MS4A4A: variants seen among roughly 807,000 people sequenced by gnomAD.
The protein encoded by MS4A4A is membrane spanning 4-domains A4A.
A neutral mutation model predicts 28.0 loss-of-function variants in MS4A4A; 26 were observed. The observed-to-expected ratio is 0.93, with a 90% CI of 0.68 to 1.29. The LOEUF is 1.29. Ranked by LOEUF, MS4A4A falls within the 50% of genes most tolerant of loss-of-function variation. The probability of loss-of-function intolerance (pLI) is 0.00; values close to 1 mark genes in which losing one functional copy is unlikely to be tolerated. For missense variants in MS4A4A, 290 were observed against 293.1 expected (o/e 0.99, Z 0.08); for synonymous variants, 86 against 100.8 (o/e 0.85, Z 0.88).
intron 1 of MS4A4A, among the ~76,000 whole-genome samples, chr11:60,281,992 C>A (rs1353205741): frequency 6.6e-6 from 1 of 152,022 alleles, no homozygotes; most frequent in Non-Finnish European, 1.5e-5. Flanking sequence ...TTCTTGGGGA[C>A]TTCATGTGCC....
At chr11:60,283,013 A>G (rs2084769279) in intron 1 of MS4A4A, among the ~76,000 whole-genome samples, 1 of 152,218 alleles carries the variant, frequency 6.6e-6, no homozygotes, top group Non-Finnish European at 1.5e-5. Context: ...GGAGAAATAC[A>G]CAGAGTTGAA....
intron 2 of MS4A4A, among the ~76,000 whole-genome samples, chr11:60,292,820 C>G (rs1339683484): frequency 6.6e-6 from 1 of 152,072 alleles, no homozygotes; most frequent in Non-Finnish European, 1.5e-5. Context: ...CATCTGGAGT[C>G]TCAGATGAGC....
At chr11:60,282,736 C>T (rs1445857662) in intron 1 of MS4A4A, 61 of 1,269,466 alleles carry the variant, frequency 4.8e-5, no homozygotes, top group Non-Finnish European at 5.9e-5. Context: ...GAGAGAGATT[C>T]GAGGTAAGAC....
In MS4A4A at chr11:60,292,319, A is replaced by G. The variant is rs2084864526; in HGVS notation, c.136A>G (p.Ile46Val). ...GCCCCAGCTGGGAAACATGGCTGTC[A>G]TACATTCACATCTGTGGAAAGGATT... Reference protein sequence around the residue: ...GVPQLGNMAVIHSHLWKGLQE... With the variant: ...GVPQLGNMAVVHSHLWKGLQE... Residue 46 changes from isoleucine (I) to valine (V), a missense_variant, in exon 2 of 7, where the codon ATA becomes GTA. Transcript: ENST00000337908. The G allele has an allele frequency of 6.2e-7, 1 of 1,610,784 alleles. No homozygotes were observed. Among genetic ancestry groups the G allele is most frequent in the Admixed American group, 1.7e-5 (1 of 59,676 alleles).
Position 60,292,497 on chromosome 11 carries a change from A to G in MS4A4A, c.201+113A>G, listed in dbSNP as rs2084866479. The G allele has an allele frequency of 1.6e-5, 17 of 1,089,326 alleles. No individual in the cohort carries two copies. The South Asian group carries it at 3.6e-4, about 23-fold the overall frequency. 67.5% of individuals were successfully genotyped at this position (1,089,326 alleles called of 1,614,324 possible). ...CATAATACAACAGCCAACCCTCACG[A>G]CGTCAGTAATTACTTTTCAGGCTCT... On this transcript the variant is annotated intron_variant, in intron 2 of 6. Transcript: ENST00000337908.
intron 5 of MS4A4A, chr11:60,305,615 A>G (rs2084992998): frequency 6.5e-6 from 1 of 153,710 alleles, no homozygotes; most frequent in Admixed American, 6.5e-5. Context: ...ATATCAGCTA[A>G]TAAGCAATCT....
At chr11:60,306,537 C>T (rs1411854704) in intron 6 of MS4A4A, among the ~76,000 whole-genome samples, 1 of 152,200 alleles carries the variant, frequency 6.6e-6, no homozygotes, top group Non-Finnish European at 1.5e-5. Flanking sequence ...ACAAAGGGTT[C>T]ACATGAACGG....
chr11:60,290,830 T>C (rs2084849012), intron 1 of MS4A4A, among the ~76,000 whole-genome samples: 1 of 152,134 alleles, frequency 6.6e-6, no homozygotes, highest in South Asian at 2.1e-4. Context: ...CATTGATGTA[T>C]CAAAAATAAA....
Position 60,292,409 on chromosome 11 carries a change from C to A in MS4A4A, c.201+25C>A, listed in dbSNP as rs761604590. 3 of 1,561,852 alleles carry A rather than the reference C, an allele frequency of 1.9e-6. No homozygotes were observed. The African/African-American group carries it at 4.1e-5, about 22-fold the overall frequency. ...GGTAAGTTGCAAATCTAGGGGAAGA[C>A]CAATGGTGTTGCAAACTCATATTTC... On this transcript the variant is annotated intron_variant, in intron 2 of 6. Transcript: ENST00000337908.
At chr11:60,294,355 G>A (rs969801110) in intron 2 of MS4A4A, among the ~76,000 whole-genome samples, 3 of 152,062 alleles carry the variant, frequency 2.0e-5, no homozygotes, top group Admixed American at 6.6e-5. Context: ...TTTGGGTAAC[G>A]ATCCTTTGTC....
At chr11:60,291,813 AAAAC>A (rs1414309072) in intron 1 of MS4A4A, among the ~76,000 whole-genome samples, 1 of 151,918 alleles carries the variant, frequency 6.6e-6, no homozygotes, top group Non-Finnish European at 1.5e-5. Flanking sequence ...AAAAAACAAA[AAAAC>A]AAAACTAAAA....
chr11:60,307,985 T>A, intron 6 of MS4A4A, 122 bp from the exon 7 acceptor site: 1 of 873,952 alleles, frequency 1.1e-6, no homozygotes, highest in Non-Finnish European at 1.9e-6. Flanking sequence ...ACATACTTGA[T>A]CTTGAGAATG....
At chr11:60,285,277 G>A (rs2084794217) in intron 1 of MS4A4A, among the ~76,000 whole-genome samples, 1 of 152,174 alleles carries the variant, frequency 6.6e-6, no homozygotes, top group Non-Finnish European at 1.5e-5. Context: ...GCTGAGACGG[G>A]AAGATCACTT....
chr11:60,289,574 A>AGT (rs747454290), intron 1 of MS4A4A, among the ~76,000 whole-genome samples: 3,637 of 131,106 alleles, frequency 0.028, 132 homozygotes, highest in African/African-American at 0.091. Flanking sequence ...TGTTTTGGGG[A>AGT]GTGTGTGTGT....
chr11:60,281,849 A>G (rs921415193), intron 1 of MS4A4A, among the ~76,000 whole-genome samples: 3 of 152,142 alleles, frequency 2.0e-5, no homozygotes, highest in African/African-American at 7.2e-5. Flanking sequence ...CATATAGGTG[A>G]TGTGGCAAAA....
At position 60,292,324 on chromosome 11, in the gene MS4A4A, T is replaced by C. The variant is rs774738121; in HGVS notation, c.141T>C (p.His47=). ...VPQLGNMAVI[H]SHLWKGLQEK... ...AGCTGGGAAACATGGCTGTCATACATTCACATCTGTGGAAAGGATTGCAAG... is the reference window on the plus strand; with the variant it reads ...AGCTGGGAAACATGGCTGTCATACACTCACATCTGTGGAAAGGATTGCAAG... Residue 47 remains histidine, a synonymous_variant, in exon 2 of 7, where the codon CAT becomes CAC. Transcript: ENST00000337908. 6.2e-7 allele frequency: 1 copy of C among 1,610,904 alleles called. No individual in the cohort carries two copies. Among genetic ancestry groups the C allele is most frequent in the Non-Finnish European group, 8.5e-7 (1 of 1,178,646 alleles).
At chr11:60,300,899 G>A in intron 3 of MS4A4A, 102 bp from the exon 4 acceptor site, 2 of 792,502 alleles carry the variant, frequency 2.5e-6, no homozygotes, top group Non-Finnish European at 3.9e-6. Context: ...AAGATAATTG[G>A]TCTGATTAAC....
rs1320958284 is a variant in MS4A4A, at chr11:60,292,844, A to C, written c.201+460A>C. Among the ~76,000 whole-genome samples the C allele has an allele frequency of 2.6e-5, 4 of 152,194 alleles. No homozygotes were observed. The East Asian group carries it at 7.7e-4, about 29-fold the overall frequency. On this transcript the variant is annotated intron_variant, in intron 2 of 6. Transcript: ENST00000337908. ...TCTCAGATGAGCATGCCCAAAAGAA[A>C]TGAAGGATTAAAAGAATGACAGAAT...
chr11:60,300,019 T>G (rs2084938219), intron 3 of MS4A4A, among the ~76,000 whole-genome samples: 1 of 152,206 alleles, frequency 6.6e-6, no homozygotes, highest in Non-Finnish European at 1.5e-5. Flanking sequence ...CAGTGGTGAT[T>G]TAGATATCAT....
Sources: gnomAD v4.1 joint callset for allele counts (sites outside exome capture counted in the v4.1 genomes callset) on GRCh38, gnomAD v4.1.1 for gene constraint, MANE v1.5 for transcripts, NCBI Gene and HGNC (gene_info 2026-07-23, HGNC 2026-07-21) for gene names.